Variants in CNTNAP2 observed in about 807,000 individuals in gnomAD.
The protein encoded by CNTNAP2 is contactin associated protein 2.
Under a neutral mutation model 155.2 loss-of-function variants are expected in CNTNAP2, and 98 were observed. The ratio of observed to expected loss-of-function variants is 0.63; its 90% CI spans 0.54 to 0.75. CNTNAP2 has a LOEUF of 0.75. Among genes scored for constraint, CNTNAP2 ranks in the 30% least tolerant of loss-of-function variants. The pLI is 0.00. For synonymous variants in CNTNAP2, 651 were observed against 631.2 expected (o/e 1.03, Z -0.47); for missense variants, 1,727 against 1,688.1 (o/e 1.02, Z -0.40).
chr7:147,491,439 G>T (rs1798607670), intron 11 of CNTNAP2, among the ~76,000 whole-genome samples: 1 of 151,248 alleles, frequency 6.6e-6, no homozygotes, highest in Admixed American at 6.6e-5. Context: ...CCTGTAGTTA[G>T]ATCAAATCCT....
At chr7:147,546,945 C>T (rs1465119204) in intron 11 of CNTNAP2, among the ~76,000 whole-genome samples, 1 of 152,110 alleles carries the variant, frequency 6.6e-6, no homozygotes, top group Non-Finnish European at 1.5e-5. Context: ...TCAATGAAAC[C>T]CTCAGGGCAA....
At chr7:147,328,626 C>T (rs1030276142) in intron 9 of CNTNAP2, among the ~76,000 whole-genome samples, 1 of 152,274 alleles carries the variant, frequency 6.6e-6, no homozygotes, top group Admixed American at 6.5e-5. Context: ...ATGAAGCAAA[C>T]GGGTTGCACT....
intron 4 of CNTNAP2, among the ~76,000 whole-genome samples, chr7:147,073,556 T>C (rs1325505248): frequency 2.0e-5 from 3 of 152,022 alleles, no homozygotes; most frequent in Non-Finnish European, 1.5e-5. Context: ...AGGGTGAGAA[T>C]AGAGGGTGAG....
At chr7:146,390,175 A>G (rs114340670) in intron 1 of CNTNAP2, among the ~76,000 whole-genome samples, 1,957 of 152,314 alleles carry the variant, frequency 0.013, 50 homozygotes, top group African/African-American at 0.045. Flanking sequence ...AGTAATTAAA[A>G]AAGTAAATAT....
At chr7:146,283,119 A>C (rs140869572) in intron 1 of CNTNAP2, among the ~76,000 whole-genome samples, 183 of 152,330 alleles carry the variant, frequency 1.2e-3, no homozygotes, top group African/African-American at 4.3e-3. Flanking sequence ...TGTTCTCTTC[A>C]ATACAAGCTA....
chr7:147,410,824 C>T (rs1286071978), intron 10 of CNTNAP2, among the ~76,000 whole-genome samples: 3 of 152,056 alleles, frequency 2.0e-5, no homozygotes, highest in Non-Finnish European at 4.4e-5. Flanking sequence ...ATATTATTGT[C>T]ACCTCCATAA....
chr7:146,239,709 T>A (rs1478115085), intron 1 of CNTNAP2, among the ~76,000 whole-genome samples: 1 of 152,200 alleles, frequency 6.6e-6, no homozygotes, highest in Non-Finnish European at 1.5e-5. Context: ...TCAACCCTGG[T>A]AAATCTGATA....
chr7:148,162,336 G>A (rs1805563613), intron 17 of CNTNAP2, among the ~76,000 whole-genome samples: 1 of 152,148 alleles, frequency 6.6e-6, no homozygotes, highest in African/African-American at 2.4e-5. Flanking sequence ...GTTTATTAAA[G>A]TTTACTAAAA....
chr7:146,919,151 C>G (rs1796450261), intron 3 of CNTNAP2, among the ~76,000 whole-genome samples: 1 of 152,104 alleles, frequency 6.6e-6, no homozygotes, highest in Non-Finnish European at 1.5e-5. Flanking sequence ...TCTTGTTTAG[C>G]TTAATAGTTG....
At chr7:147,570,096 G>T (rs77117918) in intron 12 of CNTNAP2, among the ~76,000 whole-genome samples, 1 of 152,158 alleles carries the variant, frequency 6.6e-6, no homozygotes, top group Non-Finnish European at 1.5e-5. Flanking sequence ...TGACTTGGTC[G>T]TCACTCAGGA....
intron 2 of CNTNAP2, among the ~76,000 whole-genome samples, chr7:146,797,136 GA>G (rs906618356): frequency 2.0e-5 from 3 of 151,278 alleles, no homozygotes; most frequent in Admixed American, 6.6e-5. Flanking sequence ...ACTCCATCTA[GA>G]AAAAAAAATT....
chr7:148,273,468 T>C (rs1307723439), intron 21 of CNTNAP2, among the ~76,000 whole-genome samples: 1 of 152,250 alleles, frequency 6.6e-6, no homozygotes, highest in Admixed American at 6.5e-5. Flanking sequence ...AAGGTGGCAA[T>C]ATGCATTTTA....
At chr7:147,468,440 T>C (rs4725728) in intron 10 of CNTNAP2, among the ~76,000 whole-genome samples, 118,229 of 151,782 alleles carry the variant, frequency 0.78, 46,399 homozygotes, top group African/African-American at 0.87. Flanking sequence ...TGGTCTTGCT[T>C]TTCTAAGTGT....
At chr7:146,239,195 A>G (rs896470470) in intron 1 of CNTNAP2, among the ~76,000 whole-genome samples, 8 of 151,836 alleles carry the variant, frequency 5.3e-5, no homozygotes, top group Non-Finnish European at 8.8e-5. Flanking sequence ...TGTGTGTTCT[A>G]TTCTGTGGTG....
At chr7:146,560,699 G>A (rs752135743) in intron 1 of CNTNAP2, among the ~76,000 whole-genome samples, 1 of 152,086 alleles carries the variant, frequency 6.6e-6, no homozygotes, top group South Asian at 2.1e-4. Context: ...ATAGAGTGAC[G>A]TTTGACATCT....
intron 10 of CNTNAP2, among the ~76,000 whole-genome samples, chr7:147,483,729 T>G (rs770576028): frequency 4.6e-5 from 7 of 152,216 alleles, no homozygotes; most frequent in Admixed American, 2.6e-4. Flanking sequence ...ATGTTTTAGT[T>G]TCATGTAATT....
chr7:146,219,667 G>A (rs934597662), intron 1 of CNTNAP2, among the ~76,000 whole-genome samples: 28 of 152,098 alleles, frequency 1.8e-4, no homozygotes, highest in Non-Finnish European at 3.7e-4. Context: ...AAATGAGATG[G>A]GTCTGGAGCA....
chr7:147,577,172 G>A (rs1382891494), intron 12 of CNTNAP2, among the ~76,000 whole-genome samples: 4 of 152,044 alleles, frequency 2.6e-5, no homozygotes, highest in African/African-American at 9.7e-5. Flanking sequence ...TTTACTAACA[G>A]TGTCACTGAT....
chr7:146,177,417 A>G (rs1050939925), intron 1 of CNTNAP2, among the ~76,000 whole-genome samples: 3 of 152,168 alleles, frequency 2.0e-5, no homozygotes, highest in Admixed American at 1.3e-4. Flanking sequence ...TCAAACACAA[A>G]TCTCTACAGG....
Sources: allele counts gnomAD v4.1 joint callset (sites outside exome capture counted in the v4.1 genomes callset), GRCh38; gene constraint gnomAD v4.1.1; transcripts MANE v1.5; gene names NCBI Gene and HGNC (gene_info 2026-07-23, HGNC 2026-07-21).